Variants in AGTPBP1 observed in about 807,000 individuals in gnomAD.
AGTPBP1 encodes the protein cytosolic carboxypeptidase 1.
In AGTPBP1, 70 loss-of-function variants were observed where a neutral mutation model predicts 143.9. That is an observed-to-expected ratio of 0.49 (90% confidence interval 0.40 to 0.59). AGTPBP1 has a LOEUF of 0.59. Ranked by LOEUF, AGTPBP1 falls within the 20% of genes least tolerant of loss-of-function variation. AGTPBP1 has a pLI of 0.00. For synonymous variants in AGTPBP1, 463 were observed against 500.2 expected, an observed-to-expected ratio of 0.93 and a Z score of 0.99; for missense variants, 1,229 against 1,464.5, an observed-to-expected ratio of 0.84 and a Z score of 2.62.
intron 2 of AGTPBP1, among the ~76,000 whole-genome samples, chr9:85,702,973 G>C (rs1266840735): frequency 2.6e-5 from 4 of 152,216 alleles, no homozygotes; most frequent in African/African-American, 9.6e-5. Context: ...TCAAACTGTT[G>C]CAAAACAATT....
the AGTPBP1 span, chr9:85,756,292 C>T: frequency 2.7e-6 from 4 of 1,492,304 alleles, no homozygotes; most frequent in Admixed American, 9.5e-5. Context: ...TTGTAAACCA[C>T]TCCCCACTCC....
At chr9:85,699,724 C>T (rs944237946) in intron 2 of AGTPBP1, among the ~76,000 whole-genome samples, 1 of 151,984 alleles carries the variant, frequency 6.6e-6, no homozygotes, top group Non-Finnish European at 1.5e-5. Flanking sequence ...GAAATTTCTG[C>T]TCAATTATAA....
At chr9:85,564,616 A>G (rs1826959257) in intron 25 of AGTPBP1, among the ~76,000 whole-genome samples, 1 of 152,240 alleles carries the variant, frequency 6.6e-6, no homozygotes. Flanking sequence ...AATTATATAT[A>G]GTATTCCATA....
chr9:85,640,629 G>T (rs1213835868), intron 13 of AGTPBP1, among the ~76,000 whole-genome samples: 3 of 152,178 alleles, frequency 2.0e-5, no homozygotes, highest in Non-Finnish European at 4.4e-5. Flanking sequence ...GGACAAGTTG[G>T]CCAGCTGTTC....
intron 2 of AGTPBP1, among the ~76,000 whole-genome samples, chr9:85,709,747 T>C (rs901368654): frequency 1.4e-4 from 21 of 152,136 alleles, no homozygotes; most frequent in African/African-American, 4.8e-4. Flanking sequence ...AGTTGGAGAA[T>C]GAAAAGAATA....
Position 85,547,011 on chromosome 9 carries a change from G to A in AGTPBP1, c.*98C>T, listed in dbSNP as rs1825773720. 7.9e-7 allele frequency: 1 copy of A among 1,272,894 alleles called. No individual in the cohort carries two copies. The highest frequency in any genetic ancestry group is 2.7e-5 in the East Asian group (1 of 36,916). 78.8% of individuals were successfully genotyped at this position (1,272,894 alleles called of 1,614,324 possible). A position where few individuals can be genotyped will look rare whatever the true frequency, so the allele number is the denominator to read the frequency against. ...CCCAAGTTACTTTTTGTCTTTTTGA[G>A]TCAGCTCTGTATAAACTCATTTCTC... On this transcript the variant is annotated 3_prime_UTR_variant, in exon 26 of 26. Transcript: ENST00000357081.
chr9:85,733,452 A>T (rs1839021008), intron 1 of AGTPBP1, among the ~76,000 whole-genome samples: 1 of 152,198 alleles, frequency 6.6e-6, no homozygotes, highest in Non-Finnish European at 1.5e-5. Context: ...ACATACCAAA[A>T]CTTACAGGAT....
Position 85,741,908 on chromosome 9 carries a change from C to CGGCGGA in AGTPBP1, c.-168_-167insTCCGCC. 8.3e-7 allele frequency: 1 copy of CGGCGGA among 1,201,208 alleles called. No individual in the cohort carries two copies. The highest frequency in any genetic ancestry group is 1.1e-6 in the Non-Finnish European group (1 of 940,708). 74.4% of individuals were successfully genotyped at this position (1,201,208 alleles called of 1,614,324 possible). ...ACCCCGGTGGCAGGCGAGGCGGAGG[C>CGGCGGA]GGCGGCGGCGGCAGCTGCGGCGGCG... On this transcript the variant is annotated 5_prime_UTR_variant, in exon 1 of 26. Transcript: ENST00000357081.
intron 17 of AGTPBP1, among the ~76,000 whole-genome samples, chr9:85,597,569 T>A (rs1454311054): frequency 1.3e-5 from 2 of 152,126 alleles, no homozygotes; most frequent in East Asian, 3.8e-4. Flanking sequence ...AATGAATAAT[T>A]TCTGTATGTG....
At chr9:85,658,832 C>T (rs867588225) in intron 9 of AGTPBP1, among the ~76,000 whole-genome samples, 12 of 152,062 alleles carry the variant, frequency 7.9e-5, no homozygotes, top group Middle Eastern at 3.2e-3. Flanking sequence ...GGCTTTAAAC[C>T]CAGTATTGTG....
chr9:85,770,756 A>G, the AGTPBP1 span, among the ~76,000 whole-genome samples: 1 of 152,052 alleles, frequency 6.6e-6, no homozygotes, highest in Non-Finnish European at 1.5e-5. Flanking sequence ...TTTAAAACCA[A>G]AGAATTTAAG....
At chr9:85,786,113 G>A in the AGTPBP1 span, 14 of 1,586,508 alleles carry the variant, frequency 8.8e-6, no homozygotes, top group African/African-American at 1.6e-4. Context: ...CATAAGGCTG[G>A]AGATGGAGTC....
the AGTPBP1 span, chr9:85,753,492 A>T: frequency 6.3e-7 from 1 of 1,576,812 alleles, no homozygotes; most frequent in Non-Finnish European, 8.6e-7. Context: ...GTAAACTCAC[A>T]CCTGTAATCC....
chr9:85,669,011 A>G (rs1479267101), intron 8 of AGTPBP1, among the ~76,000 whole-genome samples: 13 of 59,954 alleles, frequency 2.2e-4, no homozygotes, highest in South Asian at 2.0e-3. Flanking sequence ...GTGTGTGTAT[A>G]CATACACACA....
chr9:85,773,817 G>C, the AGTPBP1 span: 3 of 1,428,330 alleles, frequency 2.1e-6, no homozygotes, highest in Non-Finnish European at 3.0e-6. Context: ...CACTTAACAG[G>C]TCAAAATATG....
At chr9:85,642,794 T>C in intron 13 of AGTPBP1, 33 bp downstream of exon 13, 1 of 1,492,772 alleles carries the variant, frequency 6.7e-7, no homozygotes, top group Non-Finnish European at 9.2e-7. Context: ...TTTATTAAAA[T>C]CAGTTAAGAT....
the AGTPBP1 span, chr9:85,756,029 T>C: frequency 7.5e-7 from 1 of 1,338,776 alleles, no homozygotes; most frequent in African/African-American, 1.5e-5. Context: ...ATAATTTTTA[T>C]GGCAGAAGGA....
chr9:85,795,659 T>C, the AGTPBP1 span, among the ~76,000 whole-genome samples: 10 of 152,204 alleles, frequency 6.6e-5, no homozygotes, highest in East Asian at 1.5e-3. Context: ...TGTGGGAGTA[T>C]GGAGGAAGGG....
intron 22 of AGTPBP1, among the ~76,000 whole-genome samples, chr9:85,586,336 A>T (rs1336005439): frequency 6.6e-6 from 1 of 152,202 alleles, no homozygotes; most frequent in African/African-American, 2.4e-5. Flanking sequence ...AACAAAGGAC[A>T]TGTCAATTTT....
Sources: allele counts gnomAD v4.1 joint callset (sites outside exome capture counted in the v4.1 genomes callset), GRCh38; gene constraint gnomAD v4.1.1; transcripts MANE v1.5; gene names NCBI Gene and HGNC (gene_info 2026-07-23, HGNC 2026-07-21).